The following SGTB variants were observed in gnomAD, a reference collection of about 807,000 sequenced individuals.
SGTB encodes the protein small glutamine rich tetratricopeptide repeat co-chaperone beta.
SGTB carries 19 observed loss-of-function variants against 43.9 expected under a neutral mutation model. That is an observed-to-expected ratio of 0.43 (90% CI 0.30 to 0.63). SGTB has a LOEUF of 0.63. Among genes scored for constraint, SGTB ranks in the 30% least tolerant of loss-of-function variants. The probability of loss-of-function intolerance (pLI) is 0.12; values close to 1 mark genes in which losing one functional copy is unlikely to be tolerated. For synonymous variants in SGTB, 116 were observed against 117.3 expected (o/e 0.99, Z 0.07); for missense variants, 304 against 358.9 (o/e 0.85, Z 1.24).
At chr5:65,690,120 G>C (rs980548330) in intron 5 of SGTB, among the ~76,000 whole-genome samples, 2 of 151,900 alleles carry the variant, frequency 1.3e-5, no homozygotes, top group African/African-American at 4.8e-5. Flanking sequence ...ATGTGGGGGA[G>C]AGAAGAAGCA....
intron 5 of SGTB, 102 bp from the exon 6 acceptor site, chr5:65,685,574 G>C: frequency 1.2e-6 from 1 of 808,378 alleles, no homozygotes; most frequent in Non-Finnish European, 2.0e-6. Context: ...CCAATTTGTA[G>C]ATCACTCCCA....
intron 4 of SGTB, among the ~76,000 whole-genome samples, chr5:65,705,957 G>A (rs1390542227): frequency 2.6e-5 from 4 of 151,762 alleles, no homozygotes; most frequent in African/African-American, 9.7e-5. Flanking sequence ...GATTGCTTGA[G>A]CCCAAGAGGT....
chr5:65,712,747 G>T (rs2068810), intron 3 of SGTB, among the ~76,000 whole-genome samples: 1 of 152,040 alleles, frequency 6.6e-6, no homozygotes, highest in South Asian at 2.1e-4. Flanking sequence ...AATATAAAAG[G>T]TGAGAGGATG....
At chr5:65,698,321 T>C (rs1357191944) in intron 5 of SGTB, among the ~76,000 whole-genome samples, 2 of 152,244 alleles carry the variant, frequency 1.3e-5, no homozygotes, top group Admixed American at 6.5e-5. Context: ...TGTATATTGA[T>C]GGCTGCAAGT....
intron 8 of SGTB, among the ~76,000 whole-genome samples, chr5:65,673,636 T>G (rs552548070): frequency 6.7e-6 from 1 of 149,710 alleles, no homozygotes; most frequent in Non-Finnish European, 1.5e-5. Flanking sequence ...TACAAAAAGG[T>G]TGGGGACCGC....
chr5:65,722,080 G>A lies in SGTB; in HGVS notation c.-186C>T, dbSNP rs925443397. The stretch of plus-strand genomic sequence containing the variant: ...AGGCCGTAGACCCCAGAACCCACCA[G>A]GCTGTGCTCTCTCTCAGGCGGCAGG... On this transcript the variant is annotated 5_prime_UTR_variant, in exon 1 of 11. Coordinates refer to ENST00000381007, the MANE Select transcript of SGTB (RefSeq NM_019072.3). The A allele has an allele frequency of 1.8e-5, 3 of 165,576 alleles. No homozygotes were observed. The highest frequency in any genetic ancestry group is 7.2e-5 in the African/African-American group (3 of 41,784). The allele number at this position is 165,576 out of a possible 1,614,324, so 10.3% of individuals were successfully genotyped here.
At chr5:65,685,254 T>A in intron 6 of SGTB, 114 bp downstream of exon 6, 2 of 796,736 alleles carry the variant, frequency 2.5e-6, no homozygotes, top group Non-Finnish European at 4.1e-6. Flanking sequence ...GTTTTATTTA[T>A]CCTCTTATTA....
chr5:65,708,756 C>CT (rs145010067), intron 3 of SGTB, among the ~76,000 whole-genome samples, 198 bp from the exon 4 acceptor site: 37,459 of 152,058 alleles, frequency 0.25, 4,971 homozygotes, highest in Non-Finnish European at 0.3. Flanking sequence ...ATATGAATAT[C>CT]TGTGACTGGG....
chr5:65,700,606 G>A (rs762250579), intron 5 of SGTB, among the ~76,000 whole-genome samples: 7 of 150,826 alleles, frequency 4.6e-5, no homozygotes, highest in South Asian at 4.2e-4. Context: ...GCGTGAACCC[G>A]GGAGGCGGAG....
chr5:65,690,414 G>A (rs1184398275), intron 5 of SGTB, among the ~76,000 whole-genome samples: 4 of 152,176 alleles, frequency 2.6e-5, no homozygotes, highest in African/African-American at 4.8e-5. Context: ...ACTTTAGCCT[G>A]GGTTACAAAG....
At chr5:65,690,250 G>A (rs1757580140) in intron 5 of SGTB, among the ~76,000 whole-genome samples, 1 of 152,040 alleles carries the variant, frequency 6.6e-6, no homozygotes, top group Non-Finnish European at 1.5e-5. Context: ...AACACCTTGG[G>A]CAACACAGTG....
At chr5:65,697,254 A>G (rs920691648) in intron 5 of SGTB, among the ~76,000 whole-genome samples, 6 of 152,222 alleles carry the variant, frequency 3.9e-5, no homozygotes, top group African/African-American at 1.2e-4. Context: ...TCAGGGAAAA[A>G]GATACAATTT....
chr5:65,709,262 A>G (rs1251793653), intron 3 of SGTB, among the ~76,000 whole-genome samples: 1 of 152,164 alleles, frequency 6.6e-6, no homozygotes, highest in Non-Finnish European at 1.5e-5. Context: ...ATCACAATCT[A>G]CAAAAAATCA....
intron 3 of SGTB, among the ~76,000 whole-genome samples, chr5:65,711,262 A>G (rs2150722493): frequency 6.6e-6 from 1 of 152,318 alleles, no homozygotes; most frequent in South Asian, 2.1e-4. Flanking sequence ...TGAGCAACAA[A>G]TTTCTTATAA....
chr5:65,712,305 T>G (rs1032687706), intron 3 of SGTB, among the ~76,000 whole-genome samples: 10 of 151,664 alleles, frequency 6.6e-5, no homozygotes, highest in Non-Finnish European at 1.5e-4. Flanking sequence ...CAAGTGGGAG[T>G]TCACCCACAT....
intron 2 of SGTB, among the ~76,000 whole-genome samples, chr5:65,713,527 A>C (rs1758088617): frequency 6.6e-6 from 1 of 152,116 alleles, no homozygotes; most frequent in Admixed American, 6.5e-5. Flanking sequence ...CAGGTTGCCC[A>C]GGCTGGTCTC....
intron 5 of SGTB, among the ~76,000 whole-genome samples, chr5:65,688,204 G>C (rs1757535613): frequency 6.6e-6 from 1 of 152,072 alleles, no homozygotes; most frequent in Non-Finnish European, 1.5e-5. Flanking sequence ...ATAATAAGCA[G>C]AGCCACTGGA....
intron 5 of SGTB, among the ~76,000 whole-genome samples, chr5:65,696,538 T>C (rs1170063717): frequency 1.3e-5 from 2 of 152,154 alleles, no homozygotes; most frequent in African/African-American, 4.8e-5. Context: ...ATACACTTCA[T>C]CCTACAAAAA....
intron 5 of SGTB, among the ~76,000 whole-genome samples, chr5:65,697,315 TA>T (rs1217224105): frequency 5.9e-5 from 9 of 152,270 alleles, no homozygotes; most frequent in African/African-American, 2.2e-4. Context: ...AAAAATTAAA[TA>T]AAAAGCAAGC....
Sources: allele counts gnomAD v4.1 joint callset (sites outside exome capture counted in the v4.1 genomes callset), GRCh38; gene constraint gnomAD v4.1.1; transcripts MANE v1.5; gene names NCBI Gene and HGNC (gene_info 2026-07-23, HGNC 2026-07-21).